SNX30: variants seen among roughly 807,000 people sequenced by gnomAD.
The protein encoded by SNX30 is sorting nexin family member 30, also known as sorting nexin-30.
A neutral mutation model predicts 46.4 loss-of-function variants in SNX30; 24 were observed. The observed-to-expected ratio is 0.52, with a 90% CI of 0.37 to 0.73. The LOEUF (loss-of-function observed/expected upper bound fraction) is 0.73. SNX30 is among the 30% of genes least tolerant of loss of function. The probability of loss-of-function intolerance (pLI) is 0.00; values close to 1 mark genes in which losing one functional copy is unlikely to be tolerated. For missense variants in SNX30, 533 were observed against 555.7 expected, an observed-to-expected ratio of 0.96 and a Z score of 0.41; for synonymous variants, 189 against 211.5, an observed-to-expected ratio of 0.89 and a Z score of 0.92.
intron 3 of SNX30, 63 bp downstream of exon 3, chr9:112,817,878 T>A (rs1840426166): frequency 9.6e-7 from 1 of 1,044,796 alleles, no homozygotes; most frequent in Admixed American, 1.7e-5. Context: ...CTGAAGGGGT[T>A]CACTCAACTC....
chr9:112,758,177 A>G (rs1257858112), intron 1 of SNX30, among the ~76,000 whole-genome samples: 1 of 152,010 alleles, frequency 6.6e-6, no homozygotes, highest in African/African-American at 2.4e-5. Context: ...TTCCAAGGAG[A>G]GAGTCTAAGG....
intron 1 of SNX30, among the ~76,000 whole-genome samples, chr9:112,759,362 C>T (rs1289718821): frequency 1.3e-5 from 2 of 152,076 alleles, no homozygotes; most frequent in Admixed American, 1.3e-4. Context: ...TTTTGCCTGA[C>T]CCCTTGGTAG....
chr9:112,810,204 G>C (rs1324850171), intron 2 of SNX30, among the ~76,000 whole-genome samples: 2 of 152,146 alleles, frequency 1.3e-5, no homozygotes, highest in Admixed American at 1.3e-4. Flanking sequence ...TGGGCTTTTT[G>C]ATAAATGATT....
intron 1 of SNX30, among the ~76,000 whole-genome samples, chr9:112,774,294 C>G (rs1839702323): frequency 6.6e-6 from 1 of 152,068 alleles, no homozygotes; most frequent in Admixed American, 6.5e-5. Context: ...AGAAAAATGA[C>G]AGACCTTTAG....
At chr9:112,768,670 T>C (rs903158839) in intron 1 of SNX30, among the ~76,000 whole-genome samples, 2 of 145,508 alleles carry the variant, frequency 1.4e-5, no homozygotes, top group African/African-American at 2.5e-5. Flanking sequence ...TTTTTTTTTT[T>C]TTTTTGAGAC....
chr9:112,788,839 A>G (rs1298521354), intron 1 of SNX30, among the ~76,000 whole-genome samples: 1 of 152,220 alleles, frequency 6.6e-6, no homozygotes, highest in Non-Finnish European at 1.5e-5. Flanking sequence ...TCTGTGACTC[A>G]GGCTGGAGTG....
intron 1 of SNX30, among the ~76,000 whole-genome samples, chr9:112,775,154 CTTT>C (rs1167634002): frequency 4.4e-5 from 5 of 113,904 alleles, no homozygotes; most frequent in African/African-American, 6.7e-5. Flanking sequence ...TTTTTTCTTT[CTTT>C]TTTTTTTTTT....
intron 7 of SNX30, among the ~76,000 whole-genome samples, chr9:112,860,400 C>G (rs1841207568): frequency 6.6e-6 from 1 of 152,236 alleles, no homozygotes; most frequent in Non-Finnish European, 1.5e-5. Flanking sequence ...CTTCCCCTGG[C>G]TGCAACTCCC....
intron 1 of SNX30, among the ~76,000 whole-genome samples, chr9:112,752,495 C>T (rs546394390): frequency 6.6e-6 from 1 of 152,180 alleles, no homozygotes; most frequent in South Asian, 2.1e-4. Flanking sequence ...ATCCAGGCTA[C>T]TCAGGAGGCT....
chr9:112,810,249 A>T (rs1021475254), intron 2 of SNX30, among the ~76,000 whole-genome samples: 8 of 152,118 alleles, frequency 5.3e-5, no homozygotes, highest in Non-Finnish European at 1.2e-4. Flanking sequence ...GTAAGGGAGT[A>T]TGAAAAGGGT....
At chr9:112,764,349 G>A (rs1839496432) in intron 1 of SNX30, among the ~76,000 whole-genome samples, 1 of 152,144 alleles carries the variant, frequency 6.6e-6, no homozygotes. Context: ...TGAGTAATTG[G>A]GAGACCAATT....
At chr9:112,843,626 C>CTTTT (rs35950913) in intron 6 of SNX30, among the ~76,000 whole-genome samples, 56,432 of 104,958 alleles carry the variant, frequency 0.54, 16,554 homozygotes, top group South Asian at 0.72. Context: ...CCTGCAGTAG[C>CTTTT]TTTTTTTTTT....
At chr9:112,817,119 C>G (rs557701494) in intron 2 of SNX30, among the ~76,000 whole-genome samples, 4 of 152,100 alleles carry the variant, frequency 2.6e-5, no homozygotes, top group Admixed American at 2.6e-4. Context: ...TAAGCAAAAC[C>G]TTTTCTATTT....
At chr9:112,840,937 G>T (rs1010473163) in intron 6 of SNX30, among the ~76,000 whole-genome samples, 2 of 150,600 alleles carry the variant, frequency 1.3e-5, no homozygotes, top group Non-Finnish European at 2.9e-5. Flanking sequence ...CCCCCACCAC[G>T]CCTGGCTAAT....
At chr9:112,865,947 C>T (rs1281657675) in intron 8 of SNX30, among the ~76,000 whole-genome samples, 1 of 151,950 alleles carries the variant, frequency 6.6e-6, no homozygotes, top group African/African-American at 2.4e-5. Context: ...GTCTCTGTTG[C>T]TCCCTTTGGT....
intron 1 of SNX30, 115 bp from the exon 2 acceptor site, chr9:112,804,661 C>G: frequency 1.1e-6 from 1 of 896,162 alleles, no homozygotes; most frequent in Admixed American, 2.5e-5. Flanking sequence ...TCAGGTGTTT[C>G]GAAAGTTATT....
chr9:112,874,053 GATT>G lies in SNX30; in HGVS notation c.*5211_*5213del, dbSNP rs1286158892. 6.6e-6 allele frequency: 1 copy of G among 152,212 alleles called. No individual in the cohort carries two copies. The highest frequency in any genetic ancestry group is 1.5e-5 in the Non-Finnish European group (1 of 68,046). 9.4% of individuals were successfully genotyped at this position (152,212 alleles called of 1,614,324 possible). A position where few individuals can be genotyped will look rare whatever the true frequency, so the allele number is the denominator to read the frequency against. Reference sequence around the variant, plus strand: ...ACCCAGCAACACCCCTGTTGGACAGGATTGATTGTTCGCAGTCTTAGACCAACA... The same window carrying G: ...ACCCAGCAACACCCCTGTTGGACAGGGATTGTTCGCAGTCTTAGACCAACA... On this transcript the variant is annotated 3_prime_UTR_variant, in exon 9 of 9. Transcript: ENST00000374232.
At chr9:112,878,218 A>G (rs1258653051), downstream of SNX30, 1 of 152,250 alleles carries the variant, frequency 6.6e-6, no homozygotes, top group Non-Finnish European at 1.5e-5. Flanking sequence ...GAAGAGAAAC[A>G]TCTTTTTCTT....
chr9:112,804,693 T>C (rs1840196155), intron 1 of SNX30, 83 bp from the exon 2 acceptor site: 4 of 1,251,746 alleles, frequency 3.2e-6, no homozygotes, highest in Non-Finnish European at 4.4e-6. Context: ...GAAATGTTTA[T>C]TGGTTTGGCT....
Sources: allele counts gnomAD v4.1 joint callset (sites outside exome capture counted in the v4.1 genomes callset), GRCh38; gene constraint gnomAD v4.1.1; transcripts MANE v1.5; gene names NCBI Gene and HGNC (gene_info 2026-07-23, HGNC 2026-07-21).